ENTREP2: variants seen among roughly 807,000 people sequenced by gnomAD.
The protein encoded by ENTREP2 is protein ENTREP2.
chr15:29,297,011 A>C, the ENTREP2 span, among the ~76,000 whole-genome samples: 6 of 151,746 alleles, frequency 4.0e-5, no homozygotes, highest in East Asian at 1.2e-3. Flanking sequence ...CCTTTACAGT[A>C]AGTTTACCAA....
At chr15:29,183,217 T>G in the ENTREP2 span, among the ~76,000 whole-genome samples, 1 of 152,128 alleles carries the variant, frequency 6.6e-6, no homozygotes, top group Non-Finnish European at 1.5e-5. Flanking sequence ...GGGAAATCGT[T>G]TAGAGTAAAG....
the ENTREP2 span, among the ~76,000 whole-genome samples, chr15:29,448,576 T>A: frequency 6.6e-6 from 1 of 152,250 alleles, no homozygotes; most frequent in East Asian, 1.9e-4. Context: ...CTAAGTGTCA[T>A]ACTTACTGTG....
the ENTREP2 span, among the ~76,000 whole-genome samples, chr15:29,409,331 T>C: frequency 6.6e-6 from 1 of 152,152 alleles, no homozygotes; most frequent in Non-Finnish European, 1.5e-5. Flanking sequence ...TTTTTTCCTT[T>C]ATAAAAATTA....
the ENTREP2 span, among the ~76,000 whole-genome samples, chr15:29,177,715 CAG>C: frequency 6.6e-6 from 1 of 152,132 alleles, no homozygotes. Flanking sequence ...GGAGCACTCT[CAG>C]GGGCCAGAGG....
the ENTREP2 span, among the ~76,000 whole-genome samples, chr15:29,519,814 C>A: frequency 5.3e-5 from 8 of 152,176 alleles, no homozygotes; most frequent in African/African-American, 1.7e-4. Flanking sequence ...AACTGAAGAA[C>A]CACCAAAGAA....
At chr15:29,526,113 G>A in the ENTREP2 span, among the ~76,000 whole-genome samples, 1 of 152,198 alleles carries the variant, frequency 6.6e-6, no homozygotes, top group Non-Finnish European at 1.5e-5. Flanking sequence ...AGAATTGATT[G>A]TGCAAGCTTG....
the ENTREP2 span, among the ~76,000 whole-genome samples, chr15:29,478,017 A>T: frequency 0.22 from 12,449 of 56,416 alleles, 2,068 homozygotes; most frequent in African/African-American, 0.34. Flanking sequence ...ATATATATAT[A>T]TATTTTTTTT....
chr15:29,304,627 C>T, the ENTREP2 span, among the ~76,000 whole-genome samples: 1 of 152,188 alleles, frequency 6.6e-6, no homozygotes, highest in Non-Finnish European at 1.5e-5. Flanking sequence ...TTAAGCCAGG[C>T]AATGACACTC....
the ENTREP2 span, among the ~76,000 whole-genome samples, chr15:29,506,370 A>G: frequency 2.0e-5 from 3 of 152,216 alleles, no homozygotes; most frequent in African/African-American, 7.2e-5. Flanking sequence ...CCAACCTAGC[A>G]AGACAAGCCA....
chr15:29,555,241 C>CT, the ENTREP2 span, among the ~76,000 whole-genome samples: 1 of 152,222 alleles, frequency 6.6e-6, no homozygotes, highest in Non-Finnish European at 1.5e-5. Flanking sequence ...TCATTTGGTA[C>CT]CTCTCCGTAG....
At chr15:29,360,134 G>C in the ENTREP2 span, among the ~76,000 whole-genome samples, 24 of 152,110 alleles carry the variant, frequency 1.6e-4, no homozygotes, top group Admixed American at 1.5e-3. Flanking sequence ...TGTATGCTTG[G>C]TAATACTTTT....
At chr15:29,438,793 T>C in the ENTREP2 span, among the ~76,000 whole-genome samples, 1 of 152,166 alleles carries the variant, frequency 6.6e-6, no homozygotes, top group Admixed American at 6.5e-5. Context: ...TTAACACCCG[T>C]AAGGGAAGAT....
the ENTREP2 span, among the ~76,000 whole-genome samples, chr15:29,202,799 T>G: frequency 3.3e-5 from 5 of 152,214 alleles, no homozygotes; most frequent in African/African-American, 9.7e-5. Context: ...TCTACATCCC[T>G]GCAAAAGGCA....
chr15:29,138,883 C>T, the ENTREP2 span, among the ~76,000 whole-genome samples: 2 of 151,986 alleles, frequency 1.3e-5, no homozygotes, highest in Non-Finnish European at 2.9e-5. Flanking sequence ...GGGATTTCAT[C>T]TAGTGGGCGC....
chr15:29,256,054 T>C, the ENTREP2 span, among the ~76,000 whole-genome samples: 1 of 150,764 alleles, frequency 6.6e-6, no homozygotes, highest in Non-Finnish European at 1.5e-5. Context: ...AACATGGATG[T>C]AGCTGGAGTC....
the ENTREP2 span, among the ~76,000 whole-genome samples, chr15:29,658,658 A>G: frequency 1.1e-4 from 17 of 151,538 alleles, no homozygotes; most frequent in African/African-American, 4.1e-4. Context: ...ATAAAAAAAA[A>G]CAATCTACTC....
chr15:29,337,383 G>T, the ENTREP2 span, among the ~76,000 whole-genome samples: 2 of 152,222 alleles, frequency 1.3e-5, no homozygotes, highest in Non-Finnish European at 2.9e-5. Flanking sequence ...TGGGAGGGAA[G>T]CGGAGTCAGG....
At chr15:29,606,475 C>T in the ENTREP2 span, among the ~76,000 whole-genome samples, 3 of 152,096 alleles carry the variant, frequency 2.0e-5, no homozygotes, top group South Asian at 2.1e-4. Flanking sequence ...ACCTTGTGAT[C>T]CACCCGCCTC....
At chr15:29,361,310 C>T in the ENTREP2 span, among the ~76,000 whole-genome samples, 2 of 152,204 alleles carry the variant, frequency 1.3e-5, no homozygotes, top group Admixed American at 6.5e-5. Context: ...TATTATGCTA[C>T]CCAAGTACAT....
Sources: gnomAD v4.1 joint callset for allele counts (sites outside exome capture counted in the v4.1 genomes callset) on GRCh38, gnomAD v4.1.1 for gene constraint, MANE v1.5 for transcripts, NCBI Gene and HGNC (gene_info 2026-07-23, HGNC 2026-07-21) for gene names.